The following TANC2 variants were observed in gnomAD, a reference collection of about 807,000 sequenced individuals.
The protein encoded by TANC2 is protein TANC2.
Under a neutral mutation model 210.5 loss-of-function variants are expected in TANC2, and 26 were observed. The observed-to-expected ratio is 0.12, with a 90% CI of 0.09 to 0.17. The LOEUF (loss-of-function observed/expected upper bound fraction) is 0.17. Among genes scored for constraint, TANC2 ranks in the 10% least tolerant of loss-of-function variants. TANC2 has a pLI of 1.00. For synonymous variants in TANC2, 931 were observed against 967.1 expected, an observed-to-expected ratio of 0.96 and a Z score of 0.69; for missense variants, 2,129 against 2,608.9, an observed-to-expected ratio of 0.82 and a Z score of 4.01.
chr17:63,120,168 AT>A (rs542063478), intron 4 of TANC2, among the ~76,000 whole-genome samples: 110 of 148,700 alleles, frequency 7.4e-4, no homozygotes, highest in Middle Eastern at 3.4e-3. Context: ...ATCCTTTGGT[AT>A]TTTTTTTTTA....
chr17:63,102,294 A>C (rs1029354944), intron 4 of TANC2, among the ~76,000 whole-genome samples: 9 of 152,010 alleles, frequency 5.9e-5, no homozygotes, highest in African/African-American at 2.2e-4. Context: ...TGGGAAACAG[A>C]ACAAGCAAGA....
chr17:62,988,772 T>C (rs1598197704), intron 1 of TANC2, among the ~76,000 whole-genome samples: 2 of 152,280 alleles, frequency 1.3e-5, no homozygotes, highest in East Asian at 3.9e-4. Flanking sequence ...ATGCCCCAGA[T>C]TTTCAAAATC....
At chr17:63,267,671 A>G (rs1438316814) in intron 8 of TANC2, 77 bp from the exon 9 acceptor site, 6 of 1,492,390 alleles carry the variant, frequency 4.0e-6, no homozygotes, top group South Asian at 1.4e-5. Flanking sequence ...CCTGATTCCA[A>G]AGTTCCGGAG....
At chr17:63,192,806 G>T (rs972141903) in intron 5 of TANC2, among the ~76,000 whole-genome samples, 11 of 152,320 alleles carry the variant, frequency 7.2e-5, no homozygotes, top group South Asian at 4.1e-4. Flanking sequence ...TAAGCATTAT[G>T]TAAGTATATG....
intron 21 of TANC2, among the ~76,000 whole-genome samples, chr17:63,411,241 G>A (rs563937509): frequency 6.6e-6 from 1 of 152,280 alleles, no homozygotes; most frequent in South Asian, 2.1e-4. Flanking sequence ...TCTCACAGGG[G>A]AATAATAAAA....
chr17:63,108,570 G>C (rs1405595160), intron 4 of TANC2, among the ~76,000 whole-genome samples: 2 of 151,690 alleles, frequency 1.3e-5, no homozygotes, highest in Non-Finnish European at 2.9e-5. Flanking sequence ...CCAGCACTTC[G>C]GGAGGCCGAG....
chr17:63,305,086 C>T (rs753276972), intron 9 of TANC2, among the ~76,000 whole-genome samples: 2 of 152,196 alleles, frequency 1.3e-5, no homozygotes, highest in South Asian at 2.1e-4. Flanking sequence ...CAGCTGCAGC[C>T]GTGGTGCTGG....
intron 11 of TANC2, among the ~76,000 whole-genome samples, chr17:63,327,839 A>G (rs1375961676): frequency 6.6e-6 from 1 of 152,136 alleles, no homozygotes; most frequent in Admixed American, 6.6e-5. Flanking sequence ...TTAGTTACAT[A>G]TGTATACATG....
chr17:63,009,437 T>G, intron 1 of TANC2, 100 bp from the exon 2 acceptor site: 1 of 734,850 alleles, frequency 1.4e-6, no homozygotes. Context: ...GTTGTACCCT[T>G]TAAGTTATTA....
rs184151613 is a variant in TANC2, at chr17:63,109,704, T to G, written c.322+10347T>G. Among the ~76,000 whole-genome samples, 5 of 151,850 alleles carry G rather than the reference T, an allele frequency of 3.3e-5. No individual in the cohort carries two copies. In the East Asian group the frequency reaches 9.6e-4, roughly 29 times the overall value. ...AGCAAATTTAATCTTCACAGCAAAC[T>G]TAGTGGATAGTCAACAGTCTCTGTG... On this transcript the variant is annotated intron_variant, in intron 4 of 27. Transcript: ENST00000689528.
intron 4 of TANC2, among the ~76,000 whole-genome samples, chr17:63,101,736 AG>A (rs2037629034): frequency 6.6e-6 from 1 of 152,202 alleles, no homozygotes; most frequent in Non-Finnish European, 1.5e-5. Context: ...ACTACTACAA[AG>A]GTAATGCAAT....
chr17:63,334,577 A>T (rs903450926), intron 11 of TANC2, among the ~76,000 whole-genome samples: 4 of 152,240 alleles, frequency 2.6e-5, no homozygotes, highest in Non-Finnish European at 5.9e-5. Flanking sequence ...CACTCAGGAA[A>T]TACTGCTGCA....
At chr17:63,140,221 T>G (rs751294828) in intron 4 of TANC2, among the ~76,000 whole-genome samples, 1 of 152,180 alleles carries the variant, frequency 6.6e-6, no homozygotes, top group African/African-American at 2.4e-5. Context: ...AGCCGCACAT[T>G]AAAATTTTCT....
chr17:63,241,743 G>A (rs2042779937), intron 8 of TANC2, among the ~76,000 whole-genome samples: 1 of 152,144 alleles, frequency 6.6e-6, no homozygotes, highest in Non-Finnish European at 1.5e-5. Flanking sequence ...TGTGCATAGG[G>A]ACAGAAACTG....
intron 11 of TANC2, among the ~76,000 whole-genome samples, chr17:63,335,152 A>C (rs999164717): frequency 1.3e-5 from 2 of 152,220 alleles, no homozygotes; most frequent in Non-Finnish European, 2.9e-5. Flanking sequence ...CTCTACCACC[A>C]GTAGAAAAAC....
At chr17:63,054,980 T>C (rs1293261348) in intron 2 of TANC2, among the ~76,000 whole-genome samples, 2 of 152,224 alleles carry the variant, frequency 1.3e-5, no homozygotes. Context: ...TAAAACCTAG[T>C]ATTCTAGCAG....
intron 12 of TANC2, among the ~76,000 whole-genome samples, chr17:63,350,511 T>C (rs1341848285): frequency 6.6e-6 from 1 of 152,212 alleles, no homozygotes; most frequent in East Asian, 1.9e-4. Flanking sequence ...TAAAGTTAAA[T>C]TGATTTTGTC....
rs114412855 is a variant in TANC2, at chr17:63,038,834, T to A, written c.67+29208T>A. 3.7e-3 allele frequency among the ~76,000 whole-genome samples: 557 copies of A among 152,306 alleles called. 7 individuals are homozygous for A. The highest frequency in any genetic ancestry group is 0.013 in the African/African-American group (546 of 41,578). ...TGGGAAAGGTACTTTAGCCTTAACC[T>A]CTCTGTCCTTAATTTGTTAATCTGA... On this transcript the variant is annotated intron_variant, in intron 2 of 27. Transcript: ENST00000689528.
intron 2 of TANC2, among the ~76,000 whole-genome samples, chr17:63,048,936 A>G (rs1242064287): frequency 6.6e-6 from 1 of 152,220 alleles, no homozygotes; most frequent in Admixed American, 6.5e-5. Flanking sequence ...TCACAGGTAC[A>G]TCTAAACCTA....
Sources: gnomAD v4.1 joint callset for allele counts (sites outside exome capture counted in the v4.1 genomes callset) on GRCh38, gnomAD v4.1.1 for gene constraint, MANE v1.5 for transcripts, NCBI Gene and HGNC (gene_info 2026-07-23, HGNC 2026-07-21) for gene names.